The following DDX11 variants were observed in gnomAD, a reference collection of about 807,000 sequenced individuals.
DDX11 encodes ATP-dependent DNA helicase DDX11.
In DDX11, 72 loss-of-function variants were observed where a neutral mutation model predicts 125.2. The observed-to-expected ratio is 0.58, with a 90% CI of 0.48 to 0.70. The LOEUF (loss-of-function observed/expected upper bound fraction) is 0.70, where lower values mean the gene tolerates loss of function less well. DDX11 is among the 30% of genes least tolerant of loss of function. The pLI is 0.00. For missense variants in DDX11, 883 were observed against 1,165.0 expected (o/e 0.76, Z 3.52); for synonymous variants, 347 against 452.6 (o/e 0.77, Z 2.96).
In DDX11 at chr12:31,089,386, T is replaced by G. The variant is rs772848662; in HGVS notation, c.793-17T>G. On this transcript the variant is annotated splice_polypyrimidine_tract_variant and intron_variant, in intron 7 of 26. Coordinates refer to ENST00000542838, the MANE Select transcript of DDX11 (RefSeq NM_030653.4). ...CTGGCACCATCTTTTTGCCTCTTTC[T>G]TTCTCCTTTGCTGCAGAACCTTTGT... is the stretch of plus-strand genomic sequence containing the variant. The G allele has an allele frequency of 3.0e-5, 48 of 1,613,776 alleles. No homozygotes were observed. Among genetic ancestry groups the G allele is most frequent in the Non-Finnish European group, 3.9e-5 (46 of 1,179,794 alleles).
Position 31,101,875 on chromosome 12 carries a change from G to A in DDX11, c.2095G>A (p.Val699Ile), listed in dbSNP as rs748695063. ...GRILCNLCGV[V>I]PGGVVCFFPS... is the part of the protein sequence containing the mutation. ...CATTCTCTGTAACCTGTGCGGTGTG[G>A]TTCCTGGAGGGGTGGTCTGTTTCTT... Residue 699 changes from valine to isoleucine, a missense_variant, in exon 21 of 27, where the codon GTT becomes ATT. Physicochemically the swap from Val to Ile is conservative, Grantham distance 29. Around this residue, in one of 5 missense-constraint regions of DDX11, gnomAD observed 285 missense variants for 346.0 expected, o/e 0.82. Coordinates refer to ENST00000542838, the MANE Select transcript of DDX11 (RefSeq NM_030653.4). 2.5e-6 allele frequency: 4 copies of A among 1,613,978 alleles called. No homozygotes were observed. Among genetic ancestry groups the A allele is most frequent in the South Asian group, 1.1e-5 (1 of 91,080 alleles).
Position 31,102,838 on chromosome 12 carries a change from AGGCTGAGGGAAGG to A in DDX11, c.2373-95_2373-83del, listed in dbSNP as rs1246948662. 1.3e-5 allele frequency: 13 copies of A among 991,922 alleles called. No individual in the cohort carries two copies. The African/African-American group carries it at 1.8e-4, about 14-fold the overall frequency. The allele number at this position is 991,922 out of a possible 1,614,324, so 61.4% of individuals were successfully genotyped here. A position where few individuals can be genotyped will look rare whatever the true frequency, so the allele number is the denominator to read the frequency against. On this transcript the variant is annotated intron_variant, in intron 23 of 26. Coordinates refer to ENST00000542838, the MANE Select transcript of DDX11 (RefSeq NM_030653.4). ...GGCTGAGTTTTGATCACAGTCGGAGAGGCTGAGGGAAGGGGTAGAACGGAGCAGCTGGTGACGT... is the reference window on the plus strand; with the variant it reads ...GGCTGAGTTTTGATCACAGTCGGAGAGGTAGAACGGAGCAGCTGGTGACGT...
At chr12:31,094,021 GACGC>G (rs1239988168) in intron 12 of DDX11, among the ~76,000 whole-genome samples, 1 of 151,596 alleles carries the variant, frequency 6.6e-6, no homozygotes, top group African/African-American at 2.4e-5. Flanking sequence ...CTTGTTGATA[GACGC>G]ATAAACTAGA....
chr12:31,104,079 T>A lies in DDX11; in HGVS notation c.*243T>A. The A allele has an allele frequency of 6.6e-7, 1 of 1,525,770 alleles. No individual in the cohort carries two copies. Among genetic ancestry groups the A allele is most frequent in the Non-Finnish European group, 8.8e-7 (1 of 1,134,880 alleles). The allele number at this position is 1,525,770 out of a possible 1,614,324, so 94.5% of individuals were successfully genotyped here. A position where few individuals can be genotyped will look rare whatever the true frequency, so the allele number is the denominator to read the frequency against. ...TTGGGGCGTTCCAGGGCAGCTCCCC[T>A]CCTGGAATAGAATCTTTCTTTCCAT... On this transcript the variant is annotated 3_prime_UTR_variant, in exon 27 of 27. Coordinates refer to ENST00000542838, the MANE Select transcript of DDX11 (RefSeq NM_030653.4).
In DDX11 at chr12:31,102,469, C is replaced by G. The variant is rs1464073979; in HGVS notation, c.2314C>G (p.Leu772Val). The change falls in exon 23 of 27, where the codon CTC becomes GTC. Residue 772 changes from leucine to valine, a missense_variant. Transcript: ENST00000542838. ...ERGQVTGALLLSVVGGKMSEG... is the reference protein window; with the variant it reads ...ERGQVTGALLVSVVGGKMSEG... ...AGGCCAGGTGACAGGGGCCCTGCTC[C>G]TCTCTGTGGTTGGAGGAAAGATGAG... 1.9e-6 allele frequency: 3 copies of G among 1,614,096 alleles called. No homozygotes were observed. Among genetic ancestry groups the G allele is most frequent in the Middle Eastern group, 3.3e-4 (2 of 6,058 alleles).
At chr12:31,088,154 C>T (rs1194020389) in intron 6 of DDX11, among the ~76,000 whole-genome samples, 171 bp downstream of exon 6, 4 of 152,164 alleles carry the variant, frequency 2.6e-5, no homozygotes, top group Non-Finnish European at 5.9e-5. Context: ...TCCTAAGTTG[C>T]TCCCTTGGCC....
At chr12:31,096,560 A>G in intron 15 of DDX11, 77 bp from the exon 16 acceptor site, 1 of 1,589,020 alleles carries the variant, frequency 6.3e-7, no homozygotes, top group East Asian at 2.3e-5. Flanking sequence ...TGGGCCTGGC[A>G]GAGCCTCCGA....
chr12:31,090,951 A>G (rs1270831182), intron 9 of DDX11: 2 of 152,310 alleles, frequency 1.3e-5, no homozygotes, highest in African/African-American at 4.8e-5. Flanking sequence ...AGGCATTTAT[A>G]CACAAATACC....
chr12:31,099,633 G>A (rs2140985956), intron 18 of DDX11, among the ~76,000 whole-genome samples: 1 of 151,326 alleles, frequency 6.6e-6, no homozygotes, highest in Admixed American at 6.6e-5. Context: ...AAAGTCACGT[G>A]GAACCAGGCT....
chr12:31,083,997 A>G lies in DDX11; in HGVS notation c.329A>G (p.Glu110Gly). The change falls in exon 3 of 27, where the codon GAA (glutamate) becomes GGA (glycine). Residue 110 changes from glutamate to glycine, a missense_variant. Transcript: ENST00000542838. ...GAAGTPRPAG[E>G]PAWVTQFVQK... ...GCAGGCACCCCGAGGCCTGCTGGAG[A>G]ACCGGCCTGGGTTACTCAGTTTGTG... 1 of 1,613,818 alleles carries G rather than the reference A, an allele frequency of 6.2e-7. No individual in the cohort carries two copies. Among genetic ancestry groups the G allele is most frequent in the Non-Finnish European group, 8.5e-7 (1 of 1,179,826 alleles).
At chr12:31,090,965 A>G (rs1944101800) in intron 9 of DDX11, 1 of 152,174 alleles carries the variant, frequency 6.6e-6, no homozygotes, top group Admixed American at 6.5e-5. Context: ...AAATACCATA[A>G]TATGGCCCAA....
At chr12:31,102,398 G>A in intron 22 of DDX11, 29 bp from the exon 23 acceptor site, 2 of 1,612,102 alleles carry the variant, frequency 1.2e-6, no homozygotes, top group Non-Finnish European at 8.5e-7. Context: ...TTTTGGCTCA[G>A]CAACTCAGCG....
At chr12:31,087,638 G>A (rs901599974) in intron 5 of DDX11, 10 of 472,442 alleles carry the variant, frequency 2.1e-5, no homozygotes, top group Non-Finnish European at 3.5e-5. Context: ...GCTTGCTGGA[G>A]GGAGGGCAGA....
intron 18 of DDX11, among the ~76,000 whole-genome samples, chr12:31,099,439 CTT>C (rs773863662): frequency 1.3e-3 from 198 of 150,918 alleles, no homozygotes; most frequent in Non-Finnish European, 2.0e-3. Flanking sequence ...TATTGTACCT[CTT>C]TTTCTCTTAA....
chr12:31,103,531 G>T (rs754590867), intron 25 of DDX11, 46 bp from the exon 26 acceptor site: 37 of 1,613,556 alleles, frequency 2.3e-5, no homozygotes, highest in Admixed American at 1.7e-4. Context: ...GTGCTGTAGG[G>T]GGGAGGCAGG....
chr12:31,102,063 C>A, intron 21 of DDX11, 81 bp downstream of exon 21: 2 of 1,566,920 alleles, frequency 1.3e-6, no homozygotes, highest in Non-Finnish European at 8.7e-7. Flanking sequence ...CTCATCGGGT[C>A]AGGACAGGCT....
chr12:31,082,179 C>T (rs1409054466), intron 2 of DDX11, among the ~76,000 whole-genome samples: 2 of 146,466 alleles, frequency 1.4e-5, no homozygotes, highest in African/African-American at 2.6e-5. Flanking sequence ...TTGATGAAAA[C>T]TAATAGATCC....
At chr12:31,077,510 G>A (rs1212968502) in intron 1 of DDX11, among the ~76,000 whole-genome samples, 3 of 151,940 alleles carry the variant, frequency 2.0e-5, no homozygotes, top group African/African-American at 7.3e-5. Flanking sequence ...GCTGGAAATG[G>A]AGGCCAGGAT....
chr12:31,092,373 A>G (rs1944400189), intron 10 of DDX11, among the ~76,000 whole-genome samples: 1 of 152,188 alleles, frequency 6.6e-6, no homozygotes, highest in Admixed American at 6.5e-5. Flanking sequence ...AAAGATGGTC[A>G]AGCTCTGTCC....
Sources: allele counts gnomAD v4.1 joint callset (sites outside exome capture counted in the v4.1 genomes callset), GRCh38; gene constraint gnomAD v4.1.1; regional missense constraint gnomAD v4.1.1; transcripts MANE v1.5; gene names NCBI Gene and HGNC (gene_info 2026-07-23, HGNC 2026-07-21).